Variants in CAST observed in about 807,000 individuals in gnomAD.
CAST encodes calpastatin, also known as MIR583 host.
Under a neutral mutation model 119.6 loss-of-function variants are expected in CAST, and 76 were observed. That is an observed-to-expected ratio of 0.64 (90% confidence interval 0.53 to 0.77). The LOEUF is 0.77. CAST is among the 30% of genes least tolerant of loss of function. The pLI, the probability that CAST is intolerant of heterozygous loss-of-function variation, is 0.00. For synonymous variants in CAST, 319 were observed against 331.6 expected (o/e 0.96, Z 0.41); for missense variants, 953 against 946.5 (o/e 1.01, Z -0.09).
At chr5:96,681,711 C>A (rs1440321281) in intron 2 of CAST, among the ~76,000 whole-genome samples, 1 of 125,946 alleles carries the variant, frequency 7.9e-6, no homozygotes, top group Non-Finnish European at 1.6e-5. Context: ...CCAGCCTGGG[C>A]GACAGAGCGA....
chr5:96,550,031 C>G (rs1481757285), intron 1 of CAST, among the ~76,000 whole-genome samples: 1 of 152,316 alleles, frequency 6.6e-6, no homozygotes, highest in East Asian at 1.9e-4. Context: ...ACGTCCCTGC[C>G]CGACAGCTCT....
chr5:96,376,912 G>C, the CAST span, among the ~76,000 whole-genome samples: 2 of 152,108 alleles, frequency 1.3e-5, no homozygotes, highest in African/African-American at 4.8e-5. Context: ...CCTTCCAGTG[G>C]GATAAGATGT....
chr5:95,970,316 A>T, the CAST span: 2 of 152,268 alleles, frequency 1.3e-5, no homozygotes, highest in Non-Finnish European at 2.9e-5. Context: ...AAAGAGAACA[A>T]AAGAGATTAC....
At chr5:96,344,760 G>A in the CAST span, among the ~76,000 whole-genome samples, 1 of 152,324 alleles carries the variant, frequency 6.6e-6, no homozygotes, top group Admixed American at 6.5e-5. Context: ...TGGCAGGTAG[G>A]CAGAGGTGAA....
the CAST span, among the ~76,000 whole-genome samples, chr5:96,297,588 C>G: frequency 6.6e-6 from 1 of 152,140 alleles, no homozygotes; most frequent in East Asian, 1.9e-4. Flanking sequence ...ATGCTCTCCT[C>G]ATGTCTTGCT....
chr5:96,200,777 A>G, the CAST span, among the ~76,000 whole-genome samples: 1 of 152,104 alleles, frequency 6.6e-6, no homozygotes, highest in Non-Finnish European at 1.5e-5. Context: ...TCCTTACTGT[A>G]AAGGGGTTGT....
At chr5:95,968,659 C>G in the CAST span, among the ~76,000 whole-genome samples, 1 of 152,090 alleles carries the variant, frequency 6.6e-6, no homozygotes, top group African/African-American at 2.4e-5. Flanking sequence ...CAGAAGACTT[C>G]TTTGTTTTGA....
At chr5:96,730,891 G>A (rs555669399) in intron 9 of CAST, 31 bp downstream of exon 9, 116 of 1,505,702 alleles carry the variant, frequency 7.7e-5, no homozygotes, top group Admixed American at 7.3e-4. Context: ...GGAAACGTGG[G>A]CCTCTGTGCT....
intron 1 of CAST, among the ~76,000 whole-genome samples, chr5:96,549,726 G>C (rs919726251): frequency 6.6e-6 from 1 of 152,244 alleles, no homozygotes; most frequent in Non-Finnish European, 1.5e-5. Context: ...GCAATTGGCA[G>C]ACCAGGATAT....
At chr5:96,334,016 C>T in the CAST span, among the ~76,000 whole-genome samples, 1 of 152,138 alleles carries the variant, frequency 6.6e-6, no homozygotes, top group African/African-American at 2.4e-5. Context: ...ACTTCAACAC[C>T]CATTTCATAT....
chr5:96,557,440 T>C (rs1191855109), intron 1 of CAST, among the ~76,000 whole-genome samples: 2 of 151,888 alleles, frequency 1.3e-5, no homozygotes, highest in African/African-American at 2.4e-5. Flanking sequence ...TCAAGACCCA[T>C]CAGTGTGCTG....
At chr5:96,297,779 C>T in the CAST span, among the ~76,000 whole-genome samples, 2 of 151,958 alleles carry the variant, frequency 1.3e-5, no homozygotes, top group Non-Finnish European at 2.9e-5. Flanking sequence ...CTGGCTTCCA[C>T]GTTTTTAAAT....
intron 27 of CAST, among the ~76,000 whole-genome samples, 161 bp downstream of exon 27, chr5:96,766,306 T>C (rs909709436): frequency 3.3e-5 from 5 of 152,192 alleles, no homozygotes; most frequent in African/African-American, 1.2e-4. Flanking sequence ...CAGGTAAATA[T>C]TTATTTGAGC....
chr5:96,285,902 C>T, the CAST span, among the ~76,000 whole-genome samples: 1 of 152,210 alleles, frequency 6.6e-6, no homozygotes, highest in Non-Finnish European at 1.5e-5. Context: ...GCACACTTCT[C>T]AAACATTTAT....
the CAST span, among the ~76,000 whole-genome samples, chr5:96,005,490 C>T: frequency 6.6e-6 from 1 of 151,990 alleles, no homozygotes; most frequent in Non-Finnish European, 1.5e-5. Context: ...GATATATATA[C>T]ATTATTTAGA....
chr5:96,464,396 A>C, the CAST span, among the ~76,000 whole-genome samples: 1 of 152,030 alleles, frequency 6.6e-6, no homozygotes, highest in Non-Finnish European at 1.5e-5. Context: ...TCATTATTTA[A>C]TTGAATTCAA....
the CAST span, among the ~76,000 whole-genome samples, chr5:96,325,361 CTT>C: frequency 6.4e-4 from 27 of 41,900 alleles, no homozygotes; most frequent in Non-Finnish European, 1.2e-3. Flanking sequence ...ATCAATCAAT[CTT>C]TCTTTCTTTT....
the CAST span, among the ~76,000 whole-genome samples, chr5:96,347,023 T>C: frequency 6.6e-6 from 1 of 152,136 alleles, no homozygotes; most frequent in Non-Finnish European, 1.5e-5. Context: ...ATACTGGGCA[T>C]CTTTCAGACG....
intron 20 of CAST, among the ~76,000 whole-genome samples, chr5:96,753,248 G>A (rs945889469): frequency 6.6e-6 from 1 of 151,992 alleles, no homozygotes. Context: ...TTCCTGCCTT[G>A]GCCTCCCAAA....
Sources: gnomAD v4.1 joint callset for allele counts (sites outside exome capture counted in the v4.1 genomes callset) on GRCh38, gnomAD v4.1.1 for gene constraint, MANE v1.5 for transcripts, NCBI Gene and HGNC (gene_info 2026-07-23, HGNC 2026-07-21) for gene names.